Variants in CNTNAP2 observed in about 807,000 individuals in gnomAD.
CNTNAP2 encodes contactin-associated protein-like 2.
CNTNAP2 carries 98 observed loss-of-function variants against 155.2 expected under a neutral mutation model. That is an observed-to-expected ratio of 0.63 (90% CI 0.54 to 0.75). The LOEUF is 0.75. Among genes scored for constraint, CNTNAP2 ranks in the 30% least tolerant of loss-of-function variants. The probability of loss-of-function intolerance (pLI) is 0.00; values close to 1 mark genes in which losing one functional copy is unlikely to be tolerated. For missense variants in CNTNAP2, 1,727 were observed against 1,688.1 expected (o/e 1.02, Z -0.40); for synonymous variants, 651 against 631.2 (o/e 1.03, Z -0.47).
chr7:146,378,261 A>G (rs1795332218), intron 1 of CNTNAP2, among the ~76,000 whole-genome samples: 1 of 152,198 alleles, frequency 6.6e-6, no homozygotes, highest in South Asian at 2.1e-4. Flanking sequence ...TACAAATGAT[A>G]TTTGAGTTTC....
At chr7:146,425,884 A>T (rs995547277) in intron 1 of CNTNAP2, among the ~76,000 whole-genome samples, 2 of 152,012 alleles carry the variant, frequency 1.3e-5, no homozygotes, top group African/African-American at 4.8e-5. Flanking sequence ...TTAAAATTAA[A>T]AGTTAAAAAA....
intron 1 of CNTNAP2, among the ~76,000 whole-genome samples, chr7:146,722,406 A>T (rs763764010): frequency 6.6e-6 from 1 of 152,138 alleles, no homozygotes; most frequent in Non-Finnish European, 1.5e-5. Flanking sequence ...TGTGTCTAAC[A>T]TGTTGTAGTA....
At chr7:148,235,433 T>C (rs1177385020) in intron 20 of CNTNAP2, among the ~76,000 whole-genome samples, 3 of 152,164 alleles carry the variant, frequency 2.0e-5, no homozygotes, top group African/African-American at 4.8e-5. Flanking sequence ...TTACATCAGA[T>C]ATATTTTCAG....
intron 1 of CNTNAP2, among the ~76,000 whole-genome samples, chr7:146,245,453 G>A (rs995369704): frequency 2.6e-5 from 4 of 152,286 alleles, no homozygotes; most frequent in South Asian, 2.1e-4. Flanking sequence ...AAAAGTATTA[G>A]GGCGGCAGCA....
chr7:146,210,497 T>C (rs762184770), intron 1 of CNTNAP2, among the ~76,000 whole-genome samples: 1 of 151,978 alleles, frequency 6.6e-6, no homozygotes, highest in Non-Finnish European at 1.5e-5. Context: ...AGATACGGGG[T>C]TTCACAATAT....
chr7:146,714,005 T>C (rs1286427441), intron 1 of CNTNAP2, among the ~76,000 whole-genome samples: 1 of 152,134 alleles, frequency 6.6e-6, no homozygotes, highest in Non-Finnish European at 1.5e-5. Context: ...GTGAATGGCA[T>C]AGAGCAAATA....
intron 1 of CNTNAP2, among the ~76,000 whole-genome samples, chr7:146,178,975 A>T (rs921912411): frequency 6.6e-6 from 1 of 152,232 alleles, no homozygotes; most frequent in African/African-American, 2.4e-5. Context: ...GTTGTAAATT[A>T]ATGAATGAAT....
chr7:146,387,101 T>C (rs1413465998), intron 1 of CNTNAP2, among the ~76,000 whole-genome samples: 1 of 152,160 alleles, frequency 6.6e-6, no homozygotes, highest in African/African-American at 2.4e-5. Flanking sequence ...AAAACAGAAT[T>C]TGAGGAAAAC....
intron 1 of CNTNAP2, among the ~76,000 whole-genome samples, chr7:146,207,086 A>C (rs1285397195): frequency 2.6e-5 from 4 of 151,938 alleles, no homozygotes; most frequent in Non-Finnish European, 2.9e-5. Flanking sequence ...TGCTTGACCA[A>C]GTGCCTTTGA....
intron 15 of CNTNAP2, among the ~76,000 whole-genome samples, chr7:148,037,656 AAG>A (rs34128478): frequency 6.6e-6 from 1 of 151,894 alleles, no homozygotes; most frequent in Non-Finnish European, 1.5e-5. Flanking sequence ...AGTATTTTGA[AAG>A]AGAGAGAGAA....
chr7:146,534,309 G>T (rs973251414), intron 1 of CNTNAP2, among the ~76,000 whole-genome samples: 4 of 152,042 alleles, frequency 2.6e-5, no homozygotes, highest in African/African-American at 9.7e-5. Flanking sequence ...AGTAAAATAT[G>T]CAGAGTGCCA....
At chr7:146,969,772 A>T (rs1355513213) in intron 3 of CNTNAP2, among the ~76,000 whole-genome samples, 3 of 152,164 alleles carry the variant, frequency 2.0e-5, no homozygotes, top group Non-Finnish European at 2.9e-5. Flanking sequence ...AGCCAAAAGA[A>T]CACAGCTGGA....
chr7:148,162,770 A>G (rs1805574291), intron 17 of CNTNAP2, among the ~76,000 whole-genome samples: 1 of 152,206 alleles, frequency 6.6e-6, no homozygotes, highest in African/African-American at 2.4e-5. Flanking sequence ...CCAAGGCAGG[A>G]GGAGCCCTTC....
At chr7:147,358,805 T>G (rs917909005) in intron 9 of CNTNAP2, among the ~76,000 whole-genome samples, 1 of 152,166 alleles carries the variant, frequency 6.6e-6, no homozygotes, top group Admixed American at 6.6e-5. Context: ...TGGAATCACC[T>G]TAAGCATTTA....
At chr7:146,453,286 G>A (rs931142539) in intron 1 of CNTNAP2, among the ~76,000 whole-genome samples, 4 of 152,210 alleles carry the variant, frequency 2.6e-5, no homozygotes, top group Non-Finnish European at 2.9e-5. Flanking sequence ...ACTATCTGCT[G>A]CTTATTCCCA....
intron 1 of CNTNAP2, among the ~76,000 whole-genome samples, chr7:146,532,995 A>T (rs571600364): frequency 1.3e-5 from 2 of 151,152 alleles, no homozygotes; most frequent in African/African-American, 4.9e-5. Flanking sequence ...CCAGCTACTC[A>T]GGAGGCTGAG....
intron 8 of CNTNAP2, among the ~76,000 whole-genome samples, chr7:147,134,823 C>T (rs575920957): frequency 2.0e-5 from 3 of 151,808 alleles, no homozygotes; most frequent in Non-Finnish European, 4.4e-5. Context: ...CTACTCTTAT[C>T]AGCATGAGCA....
intron 9 of CNTNAP2, among the ~76,000 whole-genome samples, chr7:147,386,882 T>C (rs530349101): frequency 1.3e-5 from 2 of 152,156 alleles, no homozygotes; most frequent in Non-Finnish European, 2.9e-5. Flanking sequence ...ACTGGGCAAT[T>C]TACCAAAGAA....
chr7:147,738,862 C>A (rs1796904806), intron 13 of CNTNAP2, among the ~76,000 whole-genome samples: 1 of 151,938 alleles, frequency 6.6e-6, no homozygotes, highest in Non-Finnish European at 1.5e-5. Flanking sequence ...GCCATGATGG[C>A]CAGGCTGGTC....
Sources: allele counts gnomAD v4.1 joint callset (sites outside exome capture counted in the v4.1 genomes callset), GRCh38; gene constraint gnomAD v4.1.1; transcripts MANE v1.5; gene names NCBI Gene and HGNC (gene_info 2026-07-23, HGNC 2026-07-21).